Variants in AGBL4 observed in about 807,000 individuals in gnomAD.
AGBL4 encodes the protein AGBL carboxypeptidase 4, also known as cytosolic carboxypeptidase 6.
Under a neutral mutation model 66.4 loss-of-function variants are expected in AGBL4, and 58 were observed. That is an observed-to-expected ratio of 0.87 (90% CI 0.71 to 1.09). The LOEUF (loss-of-function observed/expected upper bound fraction) is 1.09. Among genes scored for constraint, AGBL4 ranks in the 50% least tolerant of loss-of-function variants. AGBL4 has a pLI of 0.00. For synonymous variants in AGBL4, 234 were observed against 222.9 expected (o/e 1.05, Z -0.44); for missense variants, 579 against 631.0 (o/e 0.92, Z 0.88).
intron 4 of AGBL4, among the ~76,000 whole-genome samples, chr1:49,170,017 A>C (rs1646705047): frequency 6.6e-6 from 1 of 152,074 alleles, no homozygotes; most frequent in Admixed American, 6.6e-5. Context: ...GGATTAAAAA[A>C]GTACAAATTG....
intron 6 of AGBL4, among the ~76,000 whole-genome samples, chr1:48,730,895 A>G (rs1394360917): frequency 6.6e-6 from 1 of 152,220 alleles, no homozygotes; most frequent in Non-Finnish European, 1.5e-5. Flanking sequence ...TTTGACCTTA[A>G]TAGGTTTAAC....
chr1:48,827,375 C>CTCT (rs1490534099), intron 6 of AGBL4, among the ~76,000 whole-genome samples: 4 of 152,192 alleles, frequency 2.6e-5, no homozygotes, highest in South Asian at 2.1e-4. Context: ...TAAATATTAA[C>CTCT]TCTTATAATC....
chr1:49,293,634 G>A (rs1289484671), intron 3 of AGBL4, among the ~76,000 whole-genome samples: 1 of 152,154 alleles, frequency 6.6e-6, no homozygotes, highest in Admixed American at 6.5e-5. Flanking sequence ...CTAAGTGTCT[G>A]TAATTCTATT....
intron 3 of AGBL4, among the ~76,000 whole-genome samples, chr1:49,359,454 T>C (rs978573214): frequency 3.3e-5 from 5 of 152,058 alleles, no homozygotes; most frequent in Non-Finnish European, 7.4e-5. Flanking sequence ...CAATAAATGG[T>C]TTCCAAAAAA....
At chr1:48,645,025 G>T (rs1645812800) in intron 8 of AGBL4, among the ~76,000 whole-genome samples, 1 of 152,190 alleles carries the variant, frequency 6.6e-6, no homozygotes, top group African/African-American at 2.4e-5. Flanking sequence ...ACTTTGAAAT[G>T]CTATTCAGCT....
At chr1:49,686,014 G>A (rs1329431107) in intron 3 of AGBL4, among the ~76,000 whole-genome samples, 1 of 151,964 alleles carries the variant, frequency 6.6e-6, no homozygotes, top group Admixed American at 6.6e-5. Flanking sequence ...TTTCATCTAG[G>A]ATTTTTATAG....
intron 2 of AGBL4, chr1:49,846,433 AC>A: frequency 7.0e-7 from 1 of 1,429,934 alleles, no homozygotes; most frequent in Non-Finnish European, 9.6e-7. Context: ...ACATAGGAAG[AC>A]CTTAAGACAT....
intron 6 of AGBL4, among the ~76,000 whole-genome samples, chr1:48,729,774 G>T (rs1384740120): frequency 1.4e-5 from 2 of 147,508 alleles, no homozygotes; most frequent in Non-Finnish European, 2.9e-5. Flanking sequence ...TCTTTCCACC[G>T]AGAAGGGTTT....
intron 3 of AGBL4, among the ~76,000 whole-genome samples, chr1:49,372,607 T>TTCTCTTTC (rs759190346): frequency 9.0e-6 from 1 of 111,092 alleles, no homozygotes; most frequent in Non-Finnish European, 1.8e-5. Flanking sequence ...TTCTTTTTCT[T>TTCTCTTTC]TTTCTTTCTT....
chr1:49,292,418 TCCTGCTGACTAGAGGGGGAA>T (rs1644557845), intron 3 of AGBL4, among the ~76,000 whole-genome samples: 1 of 152,192 alleles, frequency 6.6e-6, no homozygotes, highest in Non-Finnish European at 1.5e-5. Context: ...ATGCTGCCAG[TCCTGCTGACTAGAGGGGGAA>T]CTTACGGTCC....
chr1:49,651,940 TA>T (rs1646015201), intron 3 of AGBL4, among the ~76,000 whole-genome samples: 1 of 151,926 alleles, frequency 6.6e-6, no homozygotes, highest in Non-Finnish European at 1.5e-5. Flanking sequence ...AAGAGAAAGT[TA>T]AAAATCAACA....
chr1:49,574,077 G>T (rs12096151), intron 3 of AGBL4, among the ~76,000 whole-genome samples: 14,314 of 152,142 alleles, frequency 0.094, 900 homozygotes, highest in African/African-American at 0.17. Context: ...ACCGCTGTTT[G>T]CTTCTAGACC....
At chr1:49,706,418 G>GT (rs1426419405) in intron 2 of AGBL4, among the ~76,000 whole-genome samples, 2 of 151,872 alleles carry the variant, frequency 1.3e-5, no homozygotes, top group African/African-American at 2.4e-5. Context: ...TTTTTATTGT[G>GT]TTTTTTGTAT....
At chr1:49,842,280 TG>T in intron 2 of AGBL4, 1 of 459,422 alleles carries the variant, frequency 2.2e-6, no homozygotes, top group Non-Finnish European at 4.2e-6. Context: ...TTCAGGCTTC[TG>T]GTCTCTGTAG....
chr1:48,765,948 G>A (rs767755262), intron 6 of AGBL4, among the ~76,000 whole-genome samples: 3 of 152,116 alleles, frequency 2.0e-5, no homozygotes, highest in Non-Finnish European at 4.4e-5. Flanking sequence ...TGGGTAACAC[G>A]GATTTATTTT....
At chr1:49,165,135 G>C (rs1479580118) in intron 4 of AGBL4, among the ~76,000 whole-genome samples, 1 of 152,112 alleles carries the variant, frequency 6.6e-6, no homozygotes, top group African/African-American at 2.4e-5. Context: ...GTGAGGTCTA[G>C]ATAAGTGAGG....
intron 2 of AGBL4, among the ~76,000 whole-genome samples, chr1:49,705,774 G>C (rs566927535): frequency 6.6e-6 from 1 of 151,444 alleles, no homozygotes; most frequent in Non-Finnish European, 1.5e-5. Flanking sequence ...GAATTTTATC[G>C]AAGGCCTTTT....
chr1:49,791,740 T>C (rs574511226), intron 2 of AGBL4, among the ~76,000 whole-genome samples: 3 of 152,136 alleles, frequency 2.0e-5, no homozygotes, highest in Admixed American at 6.5e-5. Context: ...TATCTCATGA[T>C]AGAAGACTCT....
intron 9 of AGBL4, among the ~76,000 whole-genome samples, chr1:48,622,310 C>G (rs944183733): frequency 3.3e-5 from 5 of 152,098 alleles, no homozygotes; most frequent in African/African-American, 1.2e-4. Flanking sequence ...TGCTTGACCC[C>G]TAAGTCCAGT....
Sources: allele counts gnomAD v4.1 joint callset (sites outside exome capture counted in the v4.1 genomes callset), GRCh38; gene constraint gnomAD v4.1.1; transcripts MANE v1.5; gene names NCBI Gene and HGNC (gene_info 2026-07-23, HGNC 2026-07-21).